Variants in GATD1 observed in about 807,000 individuals in gnomAD.
The protein encoded by GATD1 is glutamine amidotransferase class 1 domain containing 1, also known as glutamine amidotransferase-like class 1 domain-containing protein 1.
GATD1 carries 23 observed loss-of-function variants against 25.9 expected under a neutral mutation model. The ratio of observed to expected loss-of-function variants is 0.89; its 90% confidence interval spans 0.64 to 1.26. The LOEUF is 1.26. Among genes scored for constraint, GATD1 ranks in the 50% most tolerant of loss-of-function variants. GATD1 has a pLI of 0.00. For synonymous variants in GATD1, 177 were observed against 134.6 expected (o/e 1.31, Z -2.18); for missense variants, 347 against 312.5 (o/e 1.11, Z -0.83).
chr11:770,210 G>A lies in GATD1; in HGVS notation c.*687C>T, dbSNP rs991590569. On this transcript the variant is annotated 3_prime_UTR_variant, in exon 8 of 8. Transcript: ENST00000319863. Reference sequence around the variant, plus strand: ...CTACCCGAGGCCACTGTGCAAGGCCGTGGGGGACAGCACTTTCCTATCATT... The same window carrying A: ...CTACCCGAGGCCACTGTGCAAGGCCATGGGGGACAGCACTTTCCTATCATT... The A allele has an allele frequency of 3.2e-5, 44 of 1,363,610 alleles. No homozygotes were observed. In the Admixed American group the frequency reaches 5.3e-4, roughly 16 times the overall value. The allele number at this position is 1,363,610 out of a possible 1,614,324, so 84.5% of individuals were successfully genotyped here. A position where few individuals can be genotyped will look rare whatever the true frequency, so the allele number is the denominator to read the frequency against.
rs1489065432 is a variant in GATD1, at chr11:768,968, G to A, written c.*1929C>T. 3 of 203,240 alleles carry A rather than the reference G, an allele frequency of 1.5e-5. No individual in the cohort carries two copies. In the East Asian group the frequency reaches 5.6e-4, roughly 38 times the overall value. 12.6% of individuals were successfully genotyped at this position (203,240 alleles called of 1,614,324 possible). On this transcript the variant is annotated 3_prime_UTR_variant, in exon 8 of 8. Coordinates refer to ENST00000319863, the MANE Select transcript of GATD1 (RefSeq NM_182612.4). The stretch of plus-strand genomic sequence containing the variant: ...ATACAAAAATTAGCCAGGCGTGGTG[G>A]CGCACACCTGTAATCCCAGCTACTC...
chr11:768,028 T>C lies in GATD1; in HGVS notation c.*2869A>G, dbSNP rs1387732004. The C allele has an allele frequency of 6.6e-6, 1 of 151,950 alleles. No individual in the cohort carries two copies. Among genetic ancestry groups the C allele is most frequent in the Non-Finnish European group, 1.5e-5 (1 of 68,002 alleles). 9.4% of individuals were successfully genotyped at this position (151,950 alleles called of 1,614,324 possible). A position where few individuals can be genotyped will look rare whatever the true frequency, so the allele number is the denominator to read the frequency against. On this transcript the variant is annotated 3_prime_UTR_variant, in exon 8 of 8. Coordinates refer to ENST00000319863, the MANE Select transcript of GATD1 (RefSeq NM_182612.4). ...ACCGCGCCCGGCTAATTTCTGTATT[T>C]TTAGTAGAGACGGGGTTTCACCATC...
chr11:777,457 C>G lies in GATD1; in HGVS notation c.6G>C (p.Ala2=). The G allele has an allele frequency of 8.1e-7, 1 of 1,240,462 alleles. No homozygotes were observed. Among genetic ancestry groups the G allele is most frequent in the East Asian group, 3.4e-5 (1 of 29,092 alleles). 76.8% of individuals were successfully genotyped at this position (1,240,462 alleles called of 1,614,324 possible). A position where few individuals can be genotyped will look rare whatever the true frequency, so the allele number is the denominator to read the frequency against. Residue 2 remains alanine, a synonymous_variant, in exon 1 of 8, where the codon GCG becomes GCC. Coordinates refer to ENST00000319863, the MANE Select transcript of GATD1 (RefSeq NM_182612.4). M[A]SERLPNRPAC... ...CGGGCCTGTTAGGGAGCCGCTCGGA[C>G]GCCATGGCTCGGGCTCGGCGCTGGG...
rs1317405941 is a variant in GATD1 at position 773,633 on chromosome 11, G to C, written c.248-4C>G. 4 of 1,600,588 alleles carry C rather than the reference G, an allele frequency of 2.5e-6. No individual in the cohort carries two copies. Among genetic ancestry groups the C allele is most frequent in the African/African-American group, 1.3e-5 (1 of 74,392 alleles). ...AGGAGGGCATGGTACCGGGCACCTG[G>C]GGGGAGACCACAAACCAGGTAGCAG... On this transcript the variant is annotated splice_polypyrimidine_tract_variant and splice_region_variant and intron_variant, in intron 3 of 7. Coordinates refer to ENST00000319863, the MANE Select transcript of GATD1 (RefSeq NM_182612.4).
intron 2 of GATD1, among the ~76,000 whole-genome samples, chr11:774,784 C>T (rs940058298): frequency 5.3e-5 from 8 of 152,122 alleles, no homozygotes; most frequent in Admixed American, 2.6e-4. Flanking sequence ...GAGCCGAGAT[C>T]GCACCACCGC....
intron 2 of GATD1, among the ~76,000 whole-genome samples, chr11:774,515 G>A (rs914388879): frequency 1.3e-5 from 2 of 152,256 alleles, no homozygotes; most frequent in African/African-American, 4.8e-5. Context: ...CACACGTGCA[G>A]AAGCACAGAC....
Position 771,344 on chromosome 11 carries a change from G to A in GATD1, c.533C>T (p.Ala178Val). ...VVEDFVKDSGACFSASEPDAV... is the reference protein window; with the variant it reads ...VVEDFVKDSGVCFSASEPDAV... ...CCCTCGAGGCTCACCACTGAAGCAGGCGCCCGAATCCTTCACGAAGTCCTC... is the reference window on the plus strand; with the variant it reads ...CCCTCGAGGCTCACCACTGAAGCAGACGCCCGAATCCTTCACGAAGTCCTC... The change falls in exon 6 of 8, where the codon GCC becomes GTC. Residue 178 changes from alanine to valine, a missense_variant. Ala to Val is a moderately conservative substitution (Grantham distance 64). Coordinates refer to ENST00000319863, the MANE Select transcript of GATD1 (RefSeq NM_182612.4). The A allele has an allele frequency of 1.3e-6, 2 of 1,599,236 alleles. No homozygotes were observed. Among genetic ancestry groups the A allele is most frequent in the Non-Finnish European group, 1.7e-6 (2 of 1,173,020 alleles).
At chr11:774,226 A>G in intron 2 of GATD1, 113 bp from the exon 3 acceptor site, 2 of 842,656 alleles carry the variant, frequency 2.4e-6, no homozygotes, top group Non-Finnish European at 3.7e-6. Flanking sequence ...TGAGGCACAA[A>G]GGCCCCCGAC....
chr11:773,282 CACCCACCCTCGGGA>C (rs1248183219), intron 4 of GATD1: 1 of 469,952 alleles, frequency 2.1e-6, no homozygotes, highest in Non-Finnish European at 3.8e-6. Context: ...AGGGCATGGC[CACCCACCCTCGGGA>C]GCCCACCCAG....
chr11:770,863 G>C lies in GATD1; in HGVS notation c.*34C>G, dbSNP rs373080616. On this transcript the variant is annotated 3_prime_UTR_variant, in exon 8 of 8. Transcript: ENST00000319863. ...GACGGGGCTGCCTCTGGAGACACCT[G>C]GGCTGTCTCAGGGGGTGCATCTACC... 1 of 1,586,962 alleles carries C rather than the reference G, an allele frequency of 6.3e-7. No homozygotes were observed. Among genetic ancestry groups the C allele is most frequent in the Non-Finnish European group, 8.6e-7 (1 of 1,164,302 alleles).
At chr11:772,779 G>A (rs1055599338) in intron 4 of GATD1, among the ~76,000 whole-genome samples, 4 of 152,332 alleles carry the variant, frequency 2.6e-5, no homozygotes, top group Admixed American at 1.3e-4. Flanking sequence ...TTTGGCAGCC[G>A]AGACACACGC....
chr11:767,408 T>C lies in GATD1; in HGVS notation c.*3489A>G, dbSNP rs1172516069. ...AGAGAACTGTGCACAGCGGGGAGGC[T>C]CTCCAAGCCAGAGGCCTCGCACGCA... On this transcript the variant is annotated 3_prime_UTR_variant, in exon 8 of 8. Coordinates refer to ENST00000319863, the MANE Select transcript of GATD1 (RefSeq NM_182612.4). 6.6e-7 allele frequency: 1 copy of C among 1,524,710 alleles called. No homozygotes were observed. Among genetic ancestry groups the C allele is most frequent in the East Asian group, 2.5e-5 (1 of 40,816 alleles). 94.4% of individuals were successfully genotyped at this position (1,524,710 alleles called of 1,614,324 possible).
In GATD1 at chr11:768,061, G is replaced by A. The variant is rs1863156062; in HGVS notation, c.*2836C>T. On this transcript the variant is annotated 3_prime_UTR_variant, in exon 8 of 8. Coordinates refer to ENST00000319863, the MANE Select transcript of GATD1 (RefSeq NM_182612.4). ...AGACGGGGTTTCACCATCTTGGCCA[G>A]GCTGGTCTCGAACTCCTGACCTCAG... The A allele has an allele frequency of 6.6e-6, 1 of 150,588 alleles. No individual in the cohort carries two copies. The highest frequency in any genetic ancestry group is 2.4e-5 in the African/African-American group (1 of 40,956). 9.3% of individuals were successfully genotyped at this position (150,588 alleles called of 1,614,324 possible).
intron 1 of GATD1, among the ~76,000 whole-genome samples, chr11:775,355 G>A (rs1412633754): frequency 6.6e-6 from 1 of 152,240 alleles, no homozygotes; most frequent in Non-Finnish European, 1.5e-5. Flanking sequence ...ATGAGTCAGA[G>A]GGGCACAGCC....
At chr11:772,161 T>C (rs1863508334) in intron 5 of GATD1, among the ~76,000 whole-genome samples, 1 of 152,076 alleles carries the variant, frequency 6.6e-6, no homozygotes, top group Admixed American at 6.5e-5. Context: ...TCCGGGAGAC[T>C]AGGGGCCAGA....
Position 771,366 on chromosome 11 carries a change from C to A in GATD1, c.511G>T (p.Asp171Tyr), listed in dbSNP as rs1565007600. ...GFARLPLVVE[D>Y]FVKDSGACFS... ...CAGGCGCCCGAATCCTTCACGAAGT[C>A]CTCCACCACGAGCGGCAGGCGGGCG... Residue 171 changes from aspartate (D) to tyrosine (Y), a missense_variant, in exon 6 of 8, where the codon GAC (aspartate) becomes TAC (tyrosine). Physicochemically the swap from Asp to Tyr is radical, Grantham distance 160. Transcript: ENST00000319863. 4 of 1,592,068 alleles carry A rather than the reference C, an allele frequency of 2.5e-6. No homozygotes were observed. Among genetic ancestry groups the A allele is most frequent in the Non-Finnish European group, 1.7e-6 (2 of 1,169,196 alleles).
At position 768,675 on chromosome 11, in the gene GATD1, A is replaced by C. The variant is rs963910193; in HGVS notation, c.*2222T>G. On this transcript the variant is annotated 3_prime_UTR_variant, in exon 8 of 8. Transcript: ENST00000319863. ...CCAAAAAATAAAATAAAAATAAAAA[A>C]GTACTTGTTAGCCGGACGTGGCGGC... 6.6e-6 allele frequency: 1 copy of C among 151,918 alleles called. No individual in the cohort carries two copies. The highest frequency in any genetic ancestry group is 1.5e-5 in the Non-Finnish European group (1 of 67,994). The allele number at this position is 151,918 out of a possible 1,614,324, so 9.4% of individuals were successfully genotyped here. A position where few individuals can be genotyped will look rare whatever the true frequency, so the allele number is the denominator to read the frequency against.
intron 1 of GATD1, among the ~76,000 whole-genome samples, chr11:776,353 G>A (rs1468442337): frequency 5.3e-5 from 8 of 152,126 alleles, no homozygotes; most frequent in African/African-American, 7.2e-5. Flanking sequence ...AAAGTGCCCA[G>A]TAGACTGCCG....
intron 4 of GATD1, 185 bp downstream of exon 4, chr11:773,337 A>G (rs1430508406): frequency 7.1e-6 from 4 of 566,626 alleles, no homozygotes; most frequent in Non-Finnish European, 1.2e-5. Flanking sequence ...AGGAGACGAC[A>G]AAGTCTGTGT....
Sources: gnomAD v4.1 joint callset for allele counts (sites outside exome capture counted in the v4.1 genomes callset) on GRCh38, gnomAD v4.1.1 for gene constraint, MANE v1.5 for transcripts, NCBI Gene and HGNC (gene_info 2026-07-23, HGNC 2026-07-21) for gene names.